The following EPB41L2 variants were observed in gnomAD, a reference collection of about 807,000 sequenced individuals.
EPB41L2 encodes the protein erythrocyte membrane protein band 4.1 like 2, also known as band 4.1-like protein 2.
EPB41L2 carries 43 observed loss-of-function variants against 113.0 expected under a neutral mutation model. The ratio of observed to expected loss-of-function variants is 0.38; its 90% CI spans 0.30 to 0.49. The LOEUF (loss-of-function observed/expected upper bound fraction) is 0.49. EPB41L2 is among the 20% of genes least tolerant of loss of function. The pLI is 0.95. For synonymous variants in EPB41L2, 442 were observed against 436.7 expected, an observed-to-expected ratio of 1.01 and a Z score of -0.15; for missense variants, 1,147 against 1,223.4, an observed-to-expected ratio of 0.94 and a Z score of 0.93.
intron 1 of EPB41L2, among the ~76,000 whole-genome samples, chr6:131,028,289 G>A (rs1791315419): frequency 6.6e-6 from 1 of 152,104 alleles, no homozygotes; most frequent in African/African-American, 2.4e-5. Flanking sequence ...TTTCTAGGCT[G>A]GTACAGAACT....
intron 10 of EPB41L2, among the ~76,000 whole-genome samples, chr6:130,893,311 T>TC (rs1793567804): frequency 6.6e-6 from 1 of 152,082 alleles, no homozygotes; most frequent in Non-Finnish European, 1.5e-5. Context: ...AATGATTATC[T>TC]CCTCCTTGAG....
intron 1 of EPB41L2, among the ~76,000 whole-genome samples, chr6:131,016,797 G>A (rs1584538721): frequency 2.0e-5 from 3 of 151,022 alleles, no homozygotes; most frequent in African/African-American, 7.3e-5. Flanking sequence ...GTGACATAGG[G>A]AGACTCTCTG....
intron 13 of EPB41L2, 83 bp downstream of exon 13, chr6:130,880,061 T>C: frequency 9.9e-7 from 1 of 1,013,206 alleles, no homozygotes; most frequent in Non-Finnish European, 1.5e-6. Flanking sequence ...TGAAGAACAT[T>C]GCCAGCCAGC....
At chr6:131,011,392 A>G (rs9375795) in intron 1 of EPB41L2, among the ~76,000 whole-genome samples, 22,931 of 152,230 alleles carry the variant, frequency 0.15, 2,397 homozygotes, top group East Asian at 0.45. Flanking sequence ...TAGGCCCAAG[A>G]ACTTCTGAGG....
chr6:130,981,962 T>C (rs1584247973), intron 1 of EPB41L2, among the ~76,000 whole-genome samples: 1 of 152,172 alleles, frequency 6.6e-6, no homozygotes, highest in African/African-American at 2.4e-5. Context: ...GAATTTATTA[T>C]AACAGAATTA....
In EPB41L2 at chr6:130,989,675, C is replaced by G. The variant is rs148214741; in HGVS notation, c.-14-33176G>C. Among the ~76,000 whole-genome samples, 59 of 152,278 alleles carry G rather than the reference C, an allele frequency of 3.9e-4. No individual in the cohort carries two copies. The East Asian group carries it at 7.5e-3, about 19-fold the overall frequency. On this transcript the variant is annotated intron_variant, in intron 1 of 19. Coordinates refer to ENST00000337057, the MANE Select transcript of EPB41L2 (RefSeq NM_001431.4). ...GAGACTAAAAACTTAAATGGTTTGT[C>G]AATTATTTGTCAATGTTGGGATCTG...
rs367589147 is a variant in EPB41L2 at position 130,858,267 on chromosome 6, G to C, written c.2911-24C>G. On this transcript the variant is annotated intron_variant, in intron 18 of 19. Coordinates refer to ENST00000337057, the MANE Select transcript of EPB41L2 (RefSeq NM_001431.4). ...GCCTGCCAGGGTCAGGACAGAGAAC[G>C]GCTGTGAGCTGGGGAACAGCCTCCA... The C allele has an allele frequency of 1.7e-5, 27 of 1,588,870 alleles. No homozygotes were observed. In the South Asian group the frequency reaches 3.1e-4, roughly 18 times the overall value.
chr6:130,924,081 CTT>C (rs1386878889), intron 4 of EPB41L2, among the ~76,000 whole-genome samples: 1 of 152,118 alleles, frequency 6.6e-6, no homozygotes, highest in Non-Finnish European at 1.5e-5. Flanking sequence ...TAGTGCTTGT[CTT>C]TTAGTGACTG....
At chr6:131,050,909 T>A (rs1184023756) in intron 1 of EPB41L2, among the ~76,000 whole-genome samples, 1 of 152,146 alleles carries the variant, frequency 6.6e-6, no homozygotes, top group Non-Finnish European at 1.5e-5. Context: ...AATATTCAAG[T>A]ATATGTGTGA....
At chr6:130,955,860 C>T (rs1817274208) in intron 2 of EPB41L2, 134 bp downstream of exon 2, 3 of 1,435,038 alleles carry the variant, frequency 2.1e-6, no homozygotes, top group African/African-American at 1.4e-5. Context: ...AATCTAAGAC[C>T]CATTCCGTAT....
intron 1 of EPB41L2, among the ~76,000 whole-genome samples, chr6:131,041,623 T>C (rs1794473704): frequency 6.6e-6 from 1 of 152,066 alleles, no homozygotes; most frequent in Non-Finnish European, 1.5e-5. Context: ...AGAAACATAC[T>C]AAACAGCACC....
In EPB41L2 at chr6:130,894,632, T is replaced by C. The variant is rs117126963; in HGVS notation, c.1390-191A>G. Among the ~76,000 whole-genome samples, 417 of 152,286 alleles carry C rather than the reference T, an allele frequency of 2.7e-3. 2 individuals carry two copies. The highest frequency in any genetic ancestry group is 5.2e-3 in the Admixed American group (79 of 15,294). ...AATACTATTTTCTACAAAAAGCAAGTAACAACGGCTCACATAAACCAACTA... is the reference window on the plus strand; with the variant it reads ...AATACTATTTTCTACAAAAAGCAAGCAACAACGGCTCACATAAACCAACTA... On this transcript the variant is annotated intron_variant, in intron 9 of 19. Coordinates refer to ENST00000337057, the MANE Select transcript of EPB41L2 (RefSeq NM_001431.4).
rs893632238 is a variant in EPB41L2 at position 130,954,345 on chromosome 6, A to T, written c.705+760T>A. Among the ~76,000 whole-genome samples, 7 of 151,910 alleles carry T rather than the reference A, an allele frequency of 4.6e-5. No individual in the cohort carries two copies. The South Asian group carries it at 1.2e-3, about 27-fold the overall frequency. ...TGGGATTACAGGCTTGAGCCACCGCACCCAGCCCTAAAACTTTGGGCAAGG... is the reference window on the plus strand; with the variant it reads ...TGGGATTACAGGCTTGAGCCACCGCTCCCAGCCCTAAAACTTTGGGCAAGG... On this transcript the variant is annotated intron_variant, in intron 3 of 19. Transcript: ENST00000337057.
At chr6:130,908,685 A>G in intron 5 of EPB41L2, 136 bp downstream of exon 5, 1 of 590,228 alleles carries the variant, frequency 1.7e-6, no homozygotes, top group Non-Finnish European at 2.8e-6. Context: ...CAATTCCACA[A>G]AAATATTATT....
intron 1 of EPB41L2, among the ~76,000 whole-genome samples, chr6:130,998,936 A>G (rs1311142964): frequency 6.6e-6 from 1 of 151,756 alleles, no homozygotes; most frequent in Non-Finnish European, 1.5e-5. Context: ...AGTCCTCCAC[A>G]CTCTGGCCTG....
intron 1 of EPB41L2, among the ~76,000 whole-genome samples, chr6:130,994,780 T>C (rs1300900921): frequency 6.6e-6 from 1 of 152,204 alleles, no homozygotes; most frequent in East Asian, 1.9e-4. Flanking sequence ...TGGGAATTGC[T>C]TAGGGCAAAC....
At chr6:130,903,273 T>C (rs997559020) in intron 6 of EPB41L2, among the ~76,000 whole-genome samples, 5 of 152,262 alleles carry the variant, frequency 3.3e-5, no homozygotes, top group African/African-American at 1.2e-4. Context: ...CACATGCCAT[T>C]CGGTCAGGTT....
At chr6:131,022,736 T>A (rs560723220) in intron 1 of EPB41L2, among the ~76,000 whole-genome samples, 1 of 152,226 alleles carries the variant, frequency 6.6e-6, no homozygotes, top group African/African-American at 2.4e-5. Context: ...ATCATCATCA[T>A]CCAGTGCTAG....
At chr6:130,966,483 C>G (rs1305107529) in intron 1 of EPB41L2, among the ~76,000 whole-genome samples, 1 of 151,058 alleles carries the variant, frequency 6.6e-6, no homozygotes, top group Non-Finnish European at 1.5e-5. Context: ...GGGAGATACA[C>G]AAATAAAGGA....
Sources: allele counts gnomAD v4.1 joint callset (sites outside exome capture counted in the v4.1 genomes callset), GRCh38; gene constraint gnomAD v4.1.1; transcripts MANE v1.5; gene names NCBI Gene and HGNC (gene_info 2026-07-23, HGNC 2026-07-21).